GNB2: variants seen among roughly 807,000 people sequenced by gnomAD.
GNB2 encodes guanine nucleotide-binding protein G(I)/G(S)/G(T) subunit beta-2.
GNB2 carries 7 observed loss-of-function variants against 40.7 expected under a neutral mutation model. The observed-to-expected ratio is 0.17, with a 90% confidence interval of 0.10 to 0.32. The LOEUF (loss-of-function observed/expected upper bound fraction) is 0.32. Ranked by LOEUF, GNB2 falls within the 10% of genes least tolerant of loss-of-function variation. GNB2 has a pLI of 1.00. For missense variants in GNB2, 286 were observed against 473.0 expected (o/e 0.60, Z 3.67); for synonymous variants, 254 against 191.2 (o/e 1.33, Z -2.71).
In GNB2 at chr7:100,678,883, A is replaced by G. The variant is rs1804429625; in HGVS notation, c.*82A>G. 1.4e-5 allele frequency: 15 copies of G among 1,092,756 alleles called. No homozygotes were observed. In the South Asian group the frequency reaches 2.1e-4, roughly 15 times the overall value. 67.7% of individuals were successfully genotyped at this position (1,092,756 alleles called of 1,614,324 possible). A position where few individuals can be genotyped will look rare whatever the true frequency, so the allele number is the denominator to read the frequency against. On this transcript the variant is annotated 3_prime_UTR_variant, in exon 10 of 10. Transcript: ENST00000303210. Reference sequence around the variant, plus strand: ...AGGCCAGGGCTGCGGGGCTGGCGCAATCCCAGCCCCCTTCCCCGGGCCACG... The same window carrying G: ...AGGCCAGGGCTGCGGGGCTGGCGCAGTCCCAGCCCCCTTCCCCGGGCCACG...
chr7:100,678,433 T>C lies in GNB2; in HGVS notation c.735T>C (p.Ser245=). 8.1e-6 allele frequency: 13 copies of C among 1,613,672 alleles called. No individual in the cohort carries two copies. Among genetic ancestry groups the C allele is most frequent in the Non-Finnish European group, 1.1e-5 (13 of 1,179,970 alleles). The change falls in exon 9 of 10, where the codon TCT becomes TCC. Residue 245 remains serine (S), a synonymous_variant. Coordinates refer to ENST00000303210, the MANE Select transcript of GNB2 (RefSeq NM_005273.4). ...FPNGYAFTTG[S]DDATCRLFDL... is the part of the protein sequence containing the mutation. ...ACGGCTACGCCTTCACCACCGGCTC[T>C]GACGACGCCACGTGCCGCCTCTTCG...
rs1804375084 is a variant in GNB2, at chr7:100,677,447, G to A, written c.267+32G>A. 3 of 1,613,066 alleles carry A rather than the reference G, an allele frequency of 1.9e-6. No individual in the cohort carries two copies. The East Asian group carries it at 6.7e-5, about 36-fold the overall frequency. ...TGGCGCGGGCTGCGGGGTGGGGCAGGGCCACAGGGCCCTGGCTGGCTCTGA... is the reference window on the plus strand; with the variant it reads ...TGGCGCGGGCTGCGGGGTGGGGCAGAGCCACAGGGCCCTGGCTGGCTCTGA... On this transcript the variant is annotated intron_variant, in intron 5 of 9. Transcript: ENST00000303210.
Position 100,677,426 on chromosome 7 carries a change from G to A in GNB2, c.267+11G>A, listed in dbSNP as rs778025111. On this transcript the variant is annotated intron_variant, in intron 5 of 9. Transcript: ENST00000303210. The stretch of plus-strand genomic sequence containing the variant: ...TACACCACCAACAAGGTAGGGTGGC[G>A]CGGGCTGCGGGGTGGGGCAGGGCCA... The A allele has an allele frequency of 2.2e-4, 352 of 1,613,456 alleles. 1 individual carries two copies. Among genetic ancestry groups the A allele is most frequent in the Middle Eastern group, 1.5e-3 (9 of 6,058 alleles).
chr7:100,678,822 C>G lies in GNB2; in HGVS notation c.*21C>G. The G allele has an allele frequency of 6.4e-7, 1 of 1,569,062 alleles. No homozygotes were observed. On this transcript the variant is annotated 3_prime_UTR_variant, in exon 10 of 10. Transcript: ENST00000303210. ...ACTAATGGCCCCACCCCCACTGGGCCCAGGCCAGGAGGGGCCCTGCCCATG... is the reference window on the plus strand; with the variant it reads ...ACTAATGGCCCCACCCCCACTGGGCGCAGGCCAGGAGGGGCCCTGCCCATG...
intron 1 of GNB2, 108 bp from the exon 2 acceptor site, chr7:100,676,069 G>GCCCCTTC (rs1216667214): frequency 8.6e-5 from 43 of 499,654 alleles, no homozygotes; most frequent in Non-Finnish European, 1.3e-4. Context: ...CGGCCGCGCC[G>GCCCCTTC]CCCCTTCCCC....
At chr7:100,677,716 C>T in intron 6 of GNB2, 36 bp from the exon 7 acceptor site, 1 of 1,612,678 alleles carries the variant, frequency 6.2e-7, no homozygotes, top group Non-Finnish European at 8.5e-7. Flanking sequence ...GCACTGCCCT[C>T]CGTGTGGAGA....
rs764167423 is a variant in GNB2 at position 100,678,846 on chromosome 7, T to C, written c.*45T>C. On this transcript the variant is annotated 3_prime_UTR_variant, in exon 10 of 10. Coordinates refer to ENST00000303210, the MANE Select transcript of GNB2 (RefSeq NM_005273.4). The stretch of plus-strand genomic sequence containing the variant: ...CCCAGGCCAGGAGGGGCCCTGCCCA[T>C]GCCCACACTACAGGCCAGGGCTGCG... 1 of 1,423,484 alleles carries C rather than the reference T, an allele frequency of 7.0e-7. No individual in the cohort carries two copies. 88.2% of individuals were successfully genotyped at this position (1,423,484 alleles called of 1,614,324 possible). A position where few individuals can be genotyped will look rare whatever the true frequency, so the allele number is the denominator to read the frequency against.
chr7:100,678,660 G>A (rs781425748), intron 9 of GNB2, 35 bp from the exon 10 acceptor site: 1 of 1,608,070 alleles, frequency 6.2e-7, no homozygotes, highest in East Asian at 2.2e-5. Context: ...CTGGAGCCCA[G>A]GCCCAATGGG....
intron 1 of GNB2, chr7:100,675,899 G>T (rs1230991260): frequency 4.6e-6 from 1 of 217,088 alleles, no homozygotes; most frequent in Non-Finnish European, 9.0e-6. Flanking sequence ...AGTTCCTGCC[G>T]CGGGTGTCCT....
chr7:100,676,634 C>T (rs1323211888), intron 3 of GNB2, 59 bp from the exon 4 acceptor site: 1 of 1,531,434 alleles, frequency 6.5e-7, no homozygotes, highest in Non-Finnish European at 9.1e-7. Context: ...TCAGAGGCCG[C>T]TGCCCTCTGC....
chr7:100,678,071 TTTTC>T (rs1804397202), intron 7 of GNB2, 23 bp from the exon 8 acceptor site: 1 of 1,576,466 alleles, frequency 6.3e-7, no homozygotes, highest in African/African-American at 1.3e-5. Flanking sequence ...GTCTCTTATC[TTTTC>T]TTTCTTCCTG....
Position 100,678,997 on chromosome 7 carries a change from G to A in GNB2, c.*196G>A. 2 of 573,744 alleles carry A rather than the reference G, an allele frequency of 3.5e-6. No homozygotes were observed. Among genetic ancestry groups the A allele is most frequent in the East Asian group, 2.8e-5 (1 of 35,470 alleles). The allele number at this position is 573,744 out of a possible 1,614,324, so 35.5% of individuals were successfully genotyped here. On this transcript the variant is annotated 3_prime_UTR_variant, in exon 10 of 10. Coordinates refer to ENST00000303210, the MANE Select transcript of GNB2 (RefSeq NM_005273.4). ...AAGAAGGGGATGGAATGGGGGAAGA[G>A]GAGGAGCAGGAGGCCCTCATCCTTC...
rs1442132151 is a variant in GNB2, at chr7:100,678,847, G to A, written c.*46G>A. 3 of 1,427,876 alleles carry A rather than the reference G, an allele frequency of 2.1e-6. No homozygotes were observed. The highest frequency in any genetic ancestry group is 3.0e-6 in the Non-Finnish European group (3 of 1,012,802). The allele number at this position is 1,427,876 out of a possible 1,614,324, so 88.5% of individuals were successfully genotyped here. ...CCAGGCCAGGAGGGGCCCTGCCCAT[G>A]CCCACACTACAGGCCAGGGCTGCGG... On this transcript the variant is annotated 3_prime_UTR_variant, in exon 10 of 10. Coordinates refer to ENST00000303210, the MANE Select transcript of GNB2 (RefSeq NM_005273.4).
chr7:100,677,382 G>T lies in GNB2; in HGVS notation c.234G>T (p.Lys78Asn). ...TGGTCAGCGCCTCCCAGGATGGGAA[G>T]CTCATCATCTGGGACAGCTACACCA... ...RLLVSASQDG[K>N]LIIWDSYTTN... The change falls in exon 5 of 10, where the codon AAG becomes AAT. Residue 78 changes from lysine (K) to asparagine (N), a missense_variant. Lys to Asn is a moderately conservative substitution (Grantham distance 94, BLOSUM62 0). Transcript: ENST00000303210. 6.2e-7 allele frequency: 1 copy of T among 1,613,952 alleles called. No individual in the cohort carries two copies. Among genetic ancestry groups the T allele is most frequent in the Non-Finnish European group, 8.5e-7 (1 of 1,179,944 alleles).
intron 1 of GNB2, 112 bp from the exon 2 acceptor site, chr7:100,676,065 C>T: frequency 2.0e-6 from 1 of 502,468 alleles, no homozygotes; most frequent in Non-Finnish European, 3.5e-6. Flanking sequence ...ACGGCGGCCG[C>T]GCCGCCCCTT....
intron 1 of GNB2, chr7:100,675,891 T>G: frequency 1.8e-5 from 4 of 219,490 alleles, no homozygotes; most frequent in Non-Finnish European, 2.7e-5. Flanking sequence ...CCCGCCCCAG[T>G]TCCTGCCGCG....
At chr7:100,676,419 G>A in intron 2 of GNB2, 97 bp downstream of exon 2, 1 of 1,272,820 alleles carries the variant, frequency 7.9e-7, no homozygotes, top group Non-Finnish European at 1.1e-6. Context: ...GGGGAGGGAG[G>A]GCCCCTTAAT....
At position 100,677,509 on chromosome 7, in the gene GNB2, C is replaced by T; in HGVS notation, c.279C>T (p.Ile93=). Residue 93 remains isoleucine, a synonymous_variant, in exon 6 of 10, where the codon ATC becomes ATT. Coordinates refer to ENST00000303210, the MANE Select transcript of GNB2 (RefSeq NM_005273.4). ...DSYTTNKVHA[I]PLRSSWVMTC... is the part of the protein sequence containing the mutation. The stretch of plus-strand genomic sequence containing the variant: ...CCCCTGCTCCGCAGGTCCACGCCAT[C>T]CCGCTGCGCTCCTCCTGGGTAATGA... The T allele has an allele frequency of 6.2e-7, 1 of 1,613,486 alleles. No homozygotes were observed. Among genetic ancestry groups the T allele is most frequent in the Non-Finnish European group, 8.5e-7 (1 of 1,179,958 alleles).
chr7:100,676,570 C>T lies in GNB2; in HGVS notation c.93C>T (p.Thr31=). 2 of 1,610,380 alleles carry T rather than the reference C, an allele frequency of 1.2e-6. No individual in the cohort carries two copies. Among genetic ancestry groups the T allele is most frequent in the Admixed American group, 3.3e-5 (2 of 60,018 alleles). ...AAGCATGTGGGGACTCAACACTGAC[C>T]CAGGTGAGGGCACTTGGTGGCCAGA... is the stretch of plus-strand genomic sequence containing the variant. The part of the protein sequence containing the change: ...ARKACGDSTL[T]QITAGLDPVG... Residue 31 remains threonine (T), a synonymous_variant, in exon 3 of 10, where the codon ACC becomes ACT. Coordinates refer to ENST00000303210, the MANE Select transcript of GNB2 (RefSeq NM_005273.4).
Sources: gnomAD v4.1 joint callset for allele counts on GRCh38, gnomAD v4.1.1 for gene constraint, MANE v1.5 for transcripts, NCBI Gene and HGNC (gene_info 2026-07-23, HGNC 2026-07-21) for gene names.